Variants in TCF25 observed in about 807,000 individuals in gnomAD.
TCF25 encodes the protein TCF25 ribosome quality control complex subunit.
TCF25 carries 41 observed loss-of-function variants against 83.1 expected under a neutral mutation model. The observed-to-expected ratio is 0.49, with a 90% CI of 0.38 to 0.64. The LOEUF (loss-of-function observed/expected upper bound fraction) is 0.64. Among genes scored for constraint, TCF25 ranks in the 30% least tolerant of loss-of-function variants. The probability of loss-of-function intolerance (pLI) is 0.00; values close to 1 mark genes in which losing one functional copy is unlikely to be tolerated. For synonymous variants in TCF25, 458 were observed against 365.0 expected (o/e 1.25, Z -2.90); for missense variants, 979 against 914.5 (o/e 1.07, Z -0.91).
intron 3 of TCF25, among the ~76,000 whole-genome samples, chr16:89,884,894 C>T (rs1333538323): frequency 1.1e-5 from 1 of 89,532 alleles, no homozygotes; most frequent in African/African-American, 5.7e-5. Flanking sequence ...TCTCCCTCTG[C>T]CTGACGCCCC....
At chr16:89,892,340 G>C (rs917175028) in intron 6 of TCF25, 65 bp downstream of exon 6, 1 of 1,471,554 alleles carries the variant, frequency 6.8e-7, no homozygotes. Flanking sequence ...ACTGGCCCCG[G>C]TACAGCAAAC....
intron 13 of TCF25, 23 bp from the exon 14 acceptor site, chr16:89,904,915 T>C (rs1259281964): frequency 6.3e-7 from 1 of 1,594,112 alleles, no homozygotes; most frequent in East Asian, 2.3e-5. Context: ...GGGGTTCTGC[T>C]CAGAGCCCTT....
chr16:89,885,648 C>T (rs1288669440), intron 3 of TCF25, among the ~76,000 whole-genome samples, 200 bp from the exon 4 acceptor site: 2 of 152,134 alleles, frequency 1.3e-5, no homozygotes, highest in Non-Finnish European at 2.9e-5. Flanking sequence ...TTCTGTGATT[C>T]TGTCTATGCT....
chr16:89,881,945 G>T (rs2042641821), intron 1 of TCF25, among the ~76,000 whole-genome samples: 1 of 151,952 alleles, frequency 6.6e-6, no homozygotes. Context: ...AGTAGAGACG[G>T]GATTTCACCA....
At chr16:89,904,625 G>T in intron 13 of TCF25, 2 of 517,096 alleles carry the variant, frequency 3.9e-6, no homozygotes, top group East Asian at 3.6e-5. Flanking sequence ...GAAAGTGCAC[G>T]CCTTGGGGTC....
chr16:89,907,648 CCTCCCAGCTCCCAG>C (rs1164217193), intron 16 of TCF25, among the ~76,000 whole-genome samples: 1 of 105,484 alleles, frequency 9.5e-6, no homozygotes, highest in East Asian at 2.9e-4. Flanking sequence ...CTAGTTCCCA[CCTCCCAGCTCCCAG>C]CTCCCTCCTC....
At chr16:89,908,375 C>A (rs2045166013) in intron 16 of TCF25, among the ~76,000 whole-genome samples, 1 of 147,144 alleles carries the variant, frequency 6.8e-6, no homozygotes, top group Non-Finnish European at 1.5e-5. Context: ...CAGCTCCCAG[C>A]TCCCACCTCC....
Position 89,888,966 on chromosome 16 carries a change from C to T in TCF25, c.614+1249C>T, listed in dbSNP as rs560219570. Among the ~76,000 whole-genome samples, 23 of 150,522 alleles carry T rather than the reference C, an allele frequency of 1.5e-4. 1 individual carries two copies. The highest frequency in any genetic ancestry group is 1.1e-3 in the South Asian group (5 of 4,760). Reference sequence around the variant, plus strand: ...CCTCCCAAAGTGCTGGGATTACAGGCGTGAGCCATGGCGCCCGGCCCAGAT... The same window carrying T: ...CCTCCCAAAGTGCTGGGATTACAGGTGTGAGCCATGGCGCCCGGCCCAGAT... On this transcript the variant is annotated intron_variant, in intron 5 of 17. Transcript: ENST00000263346.
rs533873929 is a variant in TCF25, at chr16:89,879,057, C to T, written c.193-4294C>T. Among the ~76,000 whole-genome samples, 47 of 152,356 alleles carry T rather than the reference C, an allele frequency of 3.1e-4. 1 individual carries two copies. Among genetic ancestry groups the T allele is most frequent in the African/African-American group, 1.1e-3 (44 of 41,592 alleles). ...CTTCACTGAAGAAGCAAAACTAGGC[C>T]TGTCACCCGTGCTGTCTGTGTACAC... On this transcript the variant is annotated intron_variant, in intron 1 of 17. Coordinates refer to ENST00000263346, the MANE Select transcript of TCF25 (RefSeq NM_014972.3).
chr16:89,905,374 T>C (rs147944936), intron 14 of TCF25, among the ~76,000 whole-genome samples: 40 of 152,260 alleles, frequency 2.6e-4, no homozygotes, highest in African/African-American at 8.4e-4. Flanking sequence ...TGTTTCCACA[T>C]GAGCTGTGAG....
At position 89,898,767 on chromosome 16, in the gene TCF25, T is replaced by C; in HGVS notation, c.1116T>C (p.Ser372=). The C allele has an allele frequency of 6.2e-7, 1 of 1,613,776 alleles. No individual in the cohort carries two copies. The highest frequency in any genetic ancestry group is 8.5e-7 in the Non-Finnish European group (1 of 1,180,018). Residue 372 remains serine, a splice_region_variant and synonymous_variant, in exon 11 of 18, where the codon AGT becomes AGC. Coordinates refer to ENST00000263346, the MANE Select transcript of TCF25 (RefSeq NM_014972.3). ...TALEYCKLIL[S]LEPDEDPLCM... ...CTGCTCTCTGTGCTGCCTCCGGAAGTCTCGAGCCGGATGAGGACCCCCTCT... is the reference window on the plus strand; with the variant it reads ...CTGCTCTCTGTGCTGCCTCCGGAAGCCTCGAGCCGGATGAGGACCCCCTCT...
chr16:89,896,548 C>CTTT (rs1567720820), intron 9 of TCF25, among the ~76,000 whole-genome samples: 1 of 140,710 alleles, frequency 7.1e-6, no homozygotes, highest in African/African-American at 2.8e-5. Context: ...CTCAAAACAG[C>CTTT]ATTTTTTTTT....
rs553903011 is a variant in TCF25 at position 89,905,202 on chromosome 16, T to A, written c.1628+106T>A. ...GAGGCGAGAAGGGCTGTGAGCAGCT[T>A]GGCCTCCCTTGCTGTGGGGCCTGTG... On this transcript the variant is annotated intron_variant, in intron 14 of 17. Transcript: ENST00000263346. 55 of 1,410,392 alleles carry A rather than the reference T, an allele frequency of 3.9e-5. No individual in the cohort carries two copies. In the African/African-American group the frequency reaches 6.2e-4, roughly 16 times the overall value. The allele number at this position is 1,410,392 out of a possible 1,614,324, so 87.4% of individuals were successfully genotyped here. A position where few individuals can be genotyped will look rare whatever the true frequency, so the allele number is the denominator to read the frequency against.
At chr16:89,894,137 G>A (rs983348779) in intron 7 of TCF25, among the ~76,000 whole-genome samples, 1 of 152,160 alleles carries the variant, frequency 6.6e-6, no homozygotes, top group Non-Finnish European at 1.5e-5. Flanking sequence ...TGTGATGCAG[G>A]CCCAGGACTC....
chr16:89,903,923 G>C (rs1597371466), intron 12 of TCF25, among the ~76,000 whole-genome samples, 195 bp from the exon 13 acceptor site: 1 of 152,194 alleles, frequency 6.6e-6, no homozygotes, highest in Non-Finnish European at 1.5e-5. Context: ...GAGACCCCCA[G>C]CCTCAGACCC....
At chr16:89,881,513 A>AT (rs2042604429) in intron 1 of TCF25, among the ~76,000 whole-genome samples, 1 of 140,318 alleles carries the variant, frequency 7.1e-6, no homozygotes, top group Non-Finnish European at 1.5e-5. Context: ...TTGTGTGATC[A>AT]TGGCTCACTC....
intron 2 of TCF25, 86 bp downstream of exon 2, chr16:89,883,598 T>C (rs896268596): frequency 1.8e-5 from 26 of 1,434,504 alleles, no homozygotes; most frequent in South Asian, 4.2e-5. Flanking sequence ...GTGATTTTCC[T>C]TGGAGGTGTA....
At chr16:89,893,999 G>A (rs1024680991) in intron 7 of TCF25, 141 bp downstream of exon 7, 30 of 1,273,378 alleles carry the variant, frequency 2.4e-5, no homozygotes, top group African/African-American at 1.8e-4. Flanking sequence ...TCTGCAGGGC[G>A]GTCTGGCCCT....
chr16:89,907,527 C>T (rs1483349263), intron 16 of TCF25, among the ~76,000 whole-genome samples: 11 of 138,352 alleles, frequency 8.0e-5, no homozygotes, highest in Admixed American at 1.4e-4. Context: ...TCCCTCCTCC[C>T]AGTTCCTACC....
Sources: allele counts gnomAD v4.1 joint callset (sites outside exome capture counted in the v4.1 genomes callset), GRCh38; gene constraint gnomAD v4.1.1; transcripts MANE v1.5; gene names NCBI Gene and HGNC (gene_info 2026-07-23, HGNC 2026-07-21).